PPP4R2: variants seen among roughly 807,000 people sequenced by gnomAD.
PPP4R2 encodes serine/threonine-protein phosphatase 4 regulatory subunit 2.
A neutral mutation model predicts 47.2 loss-of-function variants in PPP4R2; 13 were observed. That is an observed-to-expected ratio of 0.28 (90% CI 0.18 to 0.44). The LOEUF is 0.44. Ranked by LOEUF, PPP4R2 falls within the 20% of genes least tolerant of loss-of-function variation. PPP4R2 has a pLI of 1.00. For synonymous variants in PPP4R2, 151 were observed against 163.3 expected (o/e 0.92, Z 0.57); for missense variants, 421 against 491.2 (o/e 0.86, Z 1.35).
At chr3:72,998,293 T>G in intron 2 of PPP4R2, 135 bp downstream of exon 2, 1 of 570,642 alleles carries the variant, frequency 1.8e-6, no homozygotes. Context: ...TTTAAATAAT[T>G]TATATATTTA....
At chr3:73,050,124 G>T (rs1702581014) in intron 3 of PPP4R2, among the ~76,000 whole-genome samples, 1 of 151,726 alleles carries the variant, frequency 6.6e-6, no homozygotes, top group Non-Finnish European at 1.5e-5. Context: ...TTGTTTGTTT[G>T]TTTATTTGTT....
At chr3:73,049,838 G>T (rs942963504) in intron 3 of PPP4R2, among the ~76,000 whole-genome samples, 3 of 151,582 alleles carry the variant, frequency 2.0e-5, no homozygotes, top group Non-Finnish European at 2.9e-5. Flanking sequence ...TGTAAAAGAG[G>T]TAATTCACCT....
intron 3 of PPP4R2, among the ~76,000 whole-genome samples, chr3:73,047,950 C>T (rs147169775): frequency 0.013 from 1,932 of 152,266 alleles, 51 homozygotes; most frequent in African/African-American, 0.044. Context: ...GATCTTGGCT[C>T]GCTGCAGTCT....
intron 3 of PPP4R2, among the ~76,000 whole-genome samples, chr3:73,050,646 GTAGAAT>G (rs893621447): frequency 3.1e-4 from 47 of 152,146 alleles, no homozygotes; most frequent in African/African-American, 1.1e-3. Flanking sequence ...AAGAATGAAA[GTAGAAT>G]CATGCTATAT....
chr3:73,063,587 G>T, intron 5 of PPP4R2, 86 bp from the exon 6 acceptor site: 1 of 741,352 alleles, frequency 1.3e-6, no homozygotes, highest in Non-Finnish European at 2.4e-6. Context: ...TTGCACCACT[G>T]CACTCCATTC....
intron 5 of PPP4R2, chr3:73,062,844 A>G: frequency 6.2e-7 from 1 of 1,613,842 alleles, no homozygotes; most frequent in Non-Finnish European, 8.5e-7. Flanking sequence ...ATTAATGTTC[A>G]CACTTCTATT....
Position 73,028,338 on chromosome 3 carries a change from C to T in PPP4R2, c.117-18848C>T, listed in dbSNP as rs568536153. ...CAGGTGTGAGCCACCATGCCTGGCC[C>T]AGGTAGTTGGAATTTTAAATAAGAT... On this transcript the variant is annotated intron_variant, in intron 2 of 8. Coordinates refer to ENST00000356692, the MANE Select transcript of PPP4R2 (RefSeq NM_174907.4). Among the ~76,000 whole-genome samples, 4 of 150,972 alleles carry T rather than the reference C, an allele frequency of 2.6e-5. No homozygotes were observed. The South Asian group carries it at 8.5e-4, about 32-fold the overall frequency.
intron 3 of PPP4R2, among the ~76,000 whole-genome samples, chr3:73,047,741 T>C (rs563897842): frequency 6.6e-5 from 10 of 152,340 alleles, no homozygotes; most frequent in African/African-American, 2.2e-4. Flanking sequence ...TGTTTAGACT[T>C]TTTTTGGAGT....
intron 5 of PPP4R2, chr3:73,062,656 G>T: frequency 6.2e-7 from 1 of 1,613,934 alleles, no homozygotes; most frequent in Non-Finnish European, 8.5e-7. Flanking sequence ...CTTTTGATAG[G>T]CATTGCGGCT....
At chr3:72,997,798 T>A (rs1259906220) in intron 1 of PPP4R2, among the ~76,000 whole-genome samples, 1 of 152,164 alleles carries the variant, frequency 6.6e-6, no homozygotes, top group East Asian at 1.9e-4. Context: ...CAGCTTAATA[T>A]AATGCTGGTG....
At chr3:73,018,871 C>A (rs1363798473) in intron 2 of PPP4R2, among the ~76,000 whole-genome samples, 1 of 152,074 alleles carries the variant, frequency 6.6e-6, no homozygotes, top group Non-Finnish European at 1.5e-5. Context: ...TAAAAACTGC[C>A]ATATTTCTGA....
At chr3:73,062,312 T>G (rs1702879215) in intron 5 of PPP4R2, 1 of 1,606,370 alleles carries the variant, frequency 6.2e-7, no homozygotes, top group Non-Finnish European at 8.5e-7. Context: ...AAGGAAGATT[T>G]GAGCTATCTG....
chr3:73,031,956 ATAT>A (rs1702172239), intron 2 of PPP4R2, among the ~76,000 whole-genome samples: 1 of 152,200 alleles, frequency 6.6e-6, no homozygotes, highest in African/African-American at 2.4e-5. Context: ...ACAGAACTAA[ATAT>A]TATTATCCCT....
At chr3:73,031,391 G>T (rs1449621936) in intron 2 of PPP4R2, among the ~76,000 whole-genome samples, 1 of 151,816 alleles carries the variant, frequency 6.6e-6, no homozygotes, top group Non-Finnish European at 1.5e-5. Flanking sequence ...AATACAAAAA[G>T]AATTAGCTGG....
At chr3:73,062,598 A>G (rs1191930556) in intron 5 of PPP4R2, 2 of 1,613,986 alleles carry the variant, frequency 1.2e-6, no homozygotes, top group African/African-American at 1.3e-5. Context: ...AGATATGCCT[A>G]ACTTTATTGC....
At chr3:73,052,529 G>T (rs2107320922) in intron 3 of PPP4R2, among the ~76,000 whole-genome samples, 1 of 152,178 alleles carries the variant, frequency 6.6e-6, no homozygotes, top group Non-Finnish European at 1.5e-5. Context: ...ATATAATTTA[G>T]GAATTGCTAA....
At chr3:73,009,558 CATTACTGGAT>C (rs1701681472) in intron 2 of PPP4R2, among the ~76,000 whole-genome samples, 1 of 152,178 alleles carries the variant, frequency 6.6e-6, no homozygotes, top group Non-Finnish European at 1.5e-5. Flanking sequence ...CTGTATATGA[CATTACTGGAT>C]ACCTGTCAAA....
At chr3:73,034,974 AC>A (rs2107284583) in intron 2 of PPP4R2, among the ~76,000 whole-genome samples, 1 of 152,350 alleles carries the variant, frequency 6.6e-6, no homozygotes, top group South Asian at 2.1e-4. Context: ...AAGCTTCCGC[AC>A]AAGGGAAGAG....
At chr3:73,024,847 T>C (rs1702030764) in intron 2 of PPP4R2, among the ~76,000 whole-genome samples, 1 of 152,120 alleles carries the variant, frequency 6.6e-6, no homozygotes, top group Non-Finnish European at 1.5e-5. Context: ...AAAAGAAAAC[T>C]AGAAAAGAAG....
Sources: gnomAD v4.1 joint callset for allele counts (sites outside exome capture counted in the v4.1 genomes callset) on GRCh38, gnomAD v4.1.1 for gene constraint, MANE v1.5 for transcripts, NCBI Gene and HGNC (gene_info 2026-07-23, HGNC 2026-07-21) for gene names.